Variants in CCDC138 observed in about 807,000 individuals in gnomAD.
The protein encoded by CCDC138 is coiled-coil domain-containing protein 138.
CCDC138 carries 66 observed loss-of-function variants against 82.3 expected under a neutral mutation model. The observed-to-expected ratio is 0.80, with a 90% confidence interval of 0.66 to 0.98. The LOEUF is 0.98. Ranked by LOEUF, CCDC138 falls within the 50% of genes least tolerant of loss-of-function variation. The probability of loss-of-function intolerance (pLI) is 0.00; values close to 1 mark genes in which losing one functional copy is unlikely to be tolerated. For synonymous variants in CCDC138, 297 were observed against 265.4 expected, an observed-to-expected ratio of 1.12 and a Z score of -1.16; for missense variants, 816 against 758.9, an observed-to-expected ratio of 1.08 and a Z score of -0.88.
At chr2:108,804,070 T>A (rs968935012) in intron 6 of CCDC138, among the ~76,000 whole-genome samples, 1 of 152,178 alleles carries the variant, frequency 6.6e-6, no homozygotes, top group Non-Finnish European at 1.5e-5. Flanking sequence ...ATTTTTGTCT[T>A]ATTCTTGATT....
At position 108,818,056 on chromosome 2, in the gene CCDC138, T is replaced by C. The variant is rs150564994; in HGVS notation, c.1206+1951T>C. 5.0e-3 allele frequency among the ~76,000 whole-genome samples: 762 copies of C among 152,236 alleles called. 4 individuals are homozygous for C. The highest frequency in any genetic ancestry group is 0.021 in the South Asian group (102 of 4,824). ...CACGGTGGCTCATACCTGTAATCCT[T>C]GCACTTCGGGAGGTTGAAGTGGGAG... On this transcript the variant is annotated intron_variant, in intron 10 of 14. Coordinates refer to ENST00000295124, the MANE Select transcript of CCDC138 (RefSeq NM_144978.3).
At chr2:108,817,560 G>A (rs777433809) in intron 10 of CCDC138, among the ~76,000 whole-genome samples, 4 of 152,090 alleles carry the variant, frequency 2.6e-5, no homozygotes, top group African/African-American at 9.7e-5. Context: ...CAAAGTGCTG[G>A]GATTACAGGC....
At chr2:108,827,277 A>G (rs1426154671) in intron 10 of CCDC138, among the ~76,000 whole-genome samples, 5 of 152,226 alleles carry the variant, frequency 3.3e-5, no homozygotes, top group African/African-American at 9.6e-5. Context: ...CAGTTGCTAA[A>G]AAGCAAAAAA....
At chr2:108,814,005 G>T (rs934370237) in intron 9 of CCDC138, among the ~76,000 whole-genome samples, 1 of 152,206 alleles carries the variant, frequency 6.6e-6, no homozygotes, top group African/African-American at 2.4e-5. Flanking sequence ...ATAGACACCT[G>T]GGCTTTTTCT....
downstream of CCDC138, among the ~76,000 whole-genome samples, chr2:108,877,109 A>C (rs1696071550): frequency 3.3e-5 from 5 of 152,212 alleles, no homozygotes; most frequent in Admixed American, 3.3e-4. Flanking sequence ...CCATTTTTGA[A>C]GTAGAAACAG....
chr2:108,867,004 T>C (rs184344259), intron 13 of CCDC138, among the ~76,000 whole-genome samples: 53 of 152,322 alleles, frequency 3.5e-4, no homozygotes, highest in Non-Finnish European at 5.7e-4. Context: ...TATATTGTTA[T>C]ATTGTTTATG....
chr2:108,840,669 T>C (rs1286454598), intron 11 of CCDC138, among the ~76,000 whole-genome samples: 1 of 152,210 alleles, frequency 6.6e-6, no homozygotes, highest in Non-Finnish European at 1.5e-5. Flanking sequence ...GTGGTAGCAT[T>C]ATTTCCTTCT....
At chr2:108,835,781 T>C (rs1268967983) in intron 10 of CCDC138, among the ~76,000 whole-genome samples, 1 of 152,248 alleles carries the variant, frequency 6.6e-6, no homozygotes, top group Non-Finnish European at 1.5e-5. Context: ...CAATTGTCTC[T>C]GTTTTGTGCT....
rs577815055 is a variant in CCDC138 at position 108,812,995 on chromosome 2, A to G, written c.1041+68A>G. On this transcript the variant is annotated intron_variant, in intron 9 of 14. Transcript: ENST00000295124. ...CTGGGTACGGTGGCTCACACCTGTAATCCCAGCACTTTGGGAGGCTGAGAT... is the reference window on the plus strand; with the variant it reads ...CTGGGTACGGTGGCTCACACCTGTAGTCCCAGCACTTTGGGAGGCTGAGAT... 7.0e-5 allele frequency: 92 copies of G among 1,311,336 alleles called. No homozygotes were observed. The African/African-American group carries it at 1.3e-3, about 18-fold the overall frequency. The allele number at this position is 1,311,336 out of a possible 1,614,324, so 81.2% of individuals were successfully genotyped here. A position where few individuals can be genotyped will look rare whatever the true frequency, so the allele number is the denominator to read the frequency against.
Position 108,800,638 on chromosome 2 carries a change from T to TTTTTA in CCDC138, c.735+2052_735+2053insTTTTA, listed in dbSNP as rs1491527939. On this transcript the variant is annotated intron_variant, in intron 6 of 14. Coordinates refer to ENST00000295124, the MANE Select transcript of CCDC138 (RefSeq NM_144978.3). ...TTTTTTTTTTTTTTTTTTTTTTTTT[T>TTTTTA]AATTATACTTTAAGTTTTAGGGTAC... Among the ~76,000 whole-genome samples, 19 of 73,768 alleles carry TTTTTA rather than the reference T, an allele frequency of 2.6e-4. 3 individuals are homozygous for TTTTTA. Among genetic ancestry groups the TTTTTA allele is most frequent in the African/African-American group, 4.6e-4 (8 of 17,278 alleles). The allele number at this position is 73,768 out of a possible 152,430, so 48.4% of individuals were successfully genotyped here.
At chr2:108,817,481 C>T (rs186712030) in intron 10 of CCDC138, among the ~76,000 whole-genome samples, 193 of 151,990 alleles carry the variant, frequency 1.3e-3, no homozygotes, top group African/African-American at 4.2e-3. Flanking sequence ...TTAGTAGAGA[C>T]GGGGTTGCAC....
In CCDC138 at chr2:108,847,313, C is replaced by T. The variant is rs557459409; in HGVS notation, c.1516+383C>T. Among the ~76,000 whole-genome samples the T allele has an allele frequency of 2.6e-5, 4 of 152,328 alleles. No homozygotes were observed. In the East Asian group the frequency reaches 7.7e-4, roughly 29 times the overall value. On this transcript the variant is annotated intron_variant, in intron 12 of 14. Coordinates refer to ENST00000295124, the MANE Select transcript of CCDC138 (RefSeq NM_144978.3). ...GTTTTGTAAATGAAGTTTTCTCCCA[C>T]AACCATGCTCATTTGTTGTATATTG...
intron 7 of CCDC138, among the ~76,000 whole-genome samples, chr2:108,808,572 C>T (rs893815582): frequency 2.6e-5 from 4 of 152,088 alleles, no homozygotes; most frequent in African/African-American, 7.2e-5. Flanking sequence ...GAGATTGATA[C>T]CTGATCATGG....
chr2:108,794,390 T>C (rs951402072), intron 4 of CCDC138, 150 bp from the exon 5 acceptor site: 3 of 691,298 alleles, frequency 4.3e-6, no homozygotes, highest in East Asian at 2.9e-5. Flanking sequence ...GTTACCACTT[T>C]ACCATATTTG....
intron 13 of CCDC138, among the ~76,000 whole-genome samples, chr2:108,859,877 A>G (rs896060392): frequency 6.6e-6 from 1 of 152,036 alleles, no homozygotes; most frequent in African/African-American, 2.4e-5. Context: ...TGTTGAATCC[A>G]TAGATTGCTT....
chr2:108,839,422 A>G (rs991507120), intron 11 of CCDC138, 121 bp downstream of exon 11: 36 of 803,616 alleles, frequency 4.5e-5, no homozygotes, highest in African/African-American at 1.2e-4. Context: ...TTCCCTATCT[A>G]TGTCTTGCTG....
At chr2:108,841,652 A>T (rs1326854211) in intron 11 of CCDC138, among the ~76,000 whole-genome samples, 1 of 152,126 alleles carries the variant, frequency 6.6e-6, no homozygotes, top group African/African-American at 2.4e-5. Flanking sequence ...TTTTTTAATT[A>T]AATAGCATAC....
At chr2:108,810,154 C>G (rs945070247) in intron 7 of CCDC138, among the ~76,000 whole-genome samples, 1 of 152,084 alleles carries the variant, frequency 6.6e-6, no homozygotes, top group African/African-American at 2.4e-5. Context: ...TGCTTAATTA[C>G]TCTGGCTAGT....
chr2:108,799,234 A>G (rs1276582517), intron 6 of CCDC138, among the ~76,000 whole-genome samples: 1 of 152,230 alleles, frequency 6.6e-6, no homozygotes, highest in Non-Finnish European at 1.5e-5. Flanking sequence ...GATAATATGT[A>G]GACAAAATAT....
Sources: gnomAD v4.1 joint callset for allele counts (sites outside exome capture counted in the v4.1 genomes callset) on GRCh38, gnomAD v4.1.1 for gene constraint, MANE v1.5 for transcripts, NCBI Gene and HGNC (gene_info 2026-07-23, HGNC 2026-07-21) for gene names.